Variants in EXOC4 observed in about 807,000 individuals in gnomAD.
EXOC4 encodes SEC8-like 1.
A neutral mutation model predicts 107.2 loss-of-function variants in EXOC4; 71 were observed. That is an observed-to-expected ratio of 0.66 (90% CI 0.55 to 0.81). The LOEUF (loss-of-function observed/expected upper bound fraction) is 0.81, where lower values mean the gene tolerates loss of function less well. Among genes scored for constraint, EXOC4 ranks in the 30% least tolerant of loss-of-function variants. The probability of loss-of-function intolerance (pLI) is 0.00; values close to 1 mark genes in which losing one functional copy is unlikely to be tolerated. For missense variants in EXOC4, 1,108 were observed against 1,189.6 expected (o/e 0.93, Z 1.01); for synonymous variants, 456 against 441.2 (o/e 1.03, Z -0.42).
chr7:133,563,328 G>A (rs1486635847), intron 9 of EXOC4, among the ~76,000 whole-genome samples: 2 of 152,062 alleles, frequency 1.3e-5, no homozygotes, highest in East Asian at 3.9e-4. Flanking sequence ...ATCAAAATTG[G>A]GCAAATGAGC....
chr7:133,666,603 G>C (rs112118230), intron 10 of EXOC4, among the ~76,000 whole-genome samples: 3 of 152,200 alleles, frequency 2.0e-5, no homozygotes, highest in African/African-American at 7.2e-5. Flanking sequence ...AACCATTACT[G>C]TCAGCTTTTT....
intron 9 of EXOC4, among the ~76,000 whole-genome samples, chr7:133,549,087 T>TCCACCTC (rs1800538619): frequency 6.6e-6 from 1 of 152,218 alleles, no homozygotes; most frequent in Non-Finnish European, 1.5e-5. Context: ...CACCGTAACC[T>TCCACCTC]CCACCTCCCA....
At chr7:133,905,584 G>C (rs763838483) in intron 12 of EXOC4, among the ~76,000 whole-genome samples, 1 of 152,110 alleles carries the variant, frequency 6.6e-6, no homozygotes, top group African/African-American at 2.4e-5. Flanking sequence ...GGAAATCGCA[G>C]TTTTCGGAAG....
chr7:133,927,451 C>G (rs893344911), intron 13 of EXOC4, among the ~76,000 whole-genome samples: 11 of 152,142 alleles, frequency 7.2e-5, no homozygotes, highest in Non-Finnish European at 1.6e-4. Flanking sequence ...GAAAGGTTCT[C>G]AACGTAATAT....
chr7:134,057,365 T>TAAA (rs34424652), intron 17 of EXOC4, among the ~76,000 whole-genome samples: 6 of 148,032 alleles, frequency 4.1e-5, no homozygotes, highest in Admixed American at 2.0e-4. Context: ...GTGAGAAGTG[T>TAAA]AAAAAAAAAA....
intron 17 of EXOC4, among the ~76,000 whole-genome samples, chr7:134,050,628 C>T (rs952632942): frequency 3.3e-5 from 5 of 152,208 alleles, no homozygotes; most frequent in Non-Finnish European, 7.3e-5. Context: ...ATGAAGTAGG[C>T]TCTAGATACT....
At chr7:133,812,646 A>G (rs1268863962) in intron 10 of EXOC4, among the ~76,000 whole-genome samples, 1 of 152,142 alleles carries the variant, frequency 6.6e-6, no homozygotes, top group Non-Finnish European at 1.5e-5. Flanking sequence ...TAGAAATTAT[A>G]TTCATTTATG....
intron 7 of EXOC4, among the ~76,000 whole-genome samples, chr7:133,435,836 T>TCTAGG (rs1797958412): frequency 6.6e-6 from 1 of 152,180 alleles, no homozygotes; most frequent in Non-Finnish European, 1.5e-5. Context: ...GGGTAAAGTT[T>TCTAGG]TTGCCGTTTA....
intron 5 of EXOC4, among the ~76,000 whole-genome samples, chr7:133,325,602 C>T (rs1795219627): frequency 6.6e-6 from 1 of 152,188 alleles, no homozygotes; most frequent in East Asian, 1.9e-4. Flanking sequence ...ATGGGCTTCC[C>T]TTTGTGGGTA....
intron 17 of EXOC4, among the ~76,000 whole-genome samples, chr7:134,020,686 T>C (rs1795009136): frequency 6.6e-6 from 1 of 152,184 alleles, no homozygotes; most frequent in Non-Finnish European, 1.5e-5. Flanking sequence ...TCAGCTCTCT[T>C]GGCTGAAGTT....
intron 11 of EXOC4, among the ~76,000 whole-genome samples, chr7:133,833,053 TATGCACACAC>T (rs764634452): frequency 1.3e-5 from 2 of 149,180 alleles, no homozygotes; most frequent in South Asian, 2.1e-4. Flanking sequence ...AACACACACA[TATGCACACAC>T]ATGCACACAC....
chr7:134,040,887 G>A (rs1483053218), intron 17 of EXOC4, among the ~76,000 whole-genome samples: 6 of 152,098 alleles, frequency 3.9e-5, no homozygotes, highest in African/African-American at 1.2e-4. Flanking sequence ...ATAGGTGGTC[G>A]GGCCTTCTCT....
intron 9 of EXOC4, among the ~76,000 whole-genome samples, chr7:133,586,124 G>T (rs1206761428): frequency 1.4e-5 from 2 of 141,454 alleles, no homozygotes; most frequent in African/African-American, 5.7e-5. Context: ...ACATATACAG[G>T]TTTGTTAGAT....
At chr7:134,008,002 T>C (rs1367278598) in intron 17 of EXOC4, 167 bp downstream of exon 17, 1 of 613,116 alleles carries the variant, frequency 1.6e-6, no homozygotes, top group Admixed American at 3.6e-5. Flanking sequence ...TTCCACAGAA[T>C]TCTATTGAAT....
intron 3 of EXOC4, among the ~76,000 whole-genome samples, chr7:133,298,257 A>G (rs1363745469): frequency 1.3e-5 from 2 of 152,134 alleles, no homozygotes; most frequent in African/African-American, 4.8e-5. Context: ...CACGTTAGTA[A>G]AGAGCTGTGT....
chr7:133,979,235 A>C (rs1793915006), intron 14 of EXOC4, among the ~76,000 whole-genome samples: 1 of 152,156 alleles, frequency 6.6e-6, no homozygotes, highest in Non-Finnish European at 1.5e-5. Flanking sequence ...AAAACTTCAT[A>C]GGTATCATAA....
intron 17 of EXOC4, among the ~76,000 whole-genome samples, chr7:134,055,883 A>G (rs184627187): frequency 1.4e-3 from 207 of 152,232 alleles, no homozygotes; most frequent in Admixed American, 2.4e-3. Context: ...ATACCTTTCT[A>G]TATCATATTA....
Position 134,005,045 on chromosome 7 carries a change from A to G in EXOC4, c.2482A>G (p.Met828Val), listed in dbSNP as rs766823344. 3.7e-5 allele frequency: 59 copies of G among 1,613,456 alleles called. No individual in the cohort carries two copies. In the South Asian group the frequency reaches 5.8e-4, roughly 16 times the overall value. The change falls in exon 16 of 18, where the codon ATG (methionine) becomes GTG (valine). Residue 828 changes from methionine to valine, a missense_variant. Coordinates refer to ENST00000253861, the MANE Select transcript of EXOC4 (RefSeq NM_021807.4). ...NKDISAIEEA[M>V]SASLQQHKFQ... Reference sequence around the variant, plus strand: ...AGATATCAGCGCCATTGAAGAGGCCATGAGCGCCAGCCTTCAGCAGCACAA... The same window carrying G: ...AGATATCAGCGCCATTGAAGAGGCCGTGAGCGCCAGCCTTCAGCAGCACAA...
At chr7:133,747,604 T>C (rs1795704455) in intron 10 of EXOC4, among the ~76,000 whole-genome samples, 1 of 152,198 alleles carries the variant, frequency 6.6e-6, no homozygotes, top group Admixed American at 6.6e-5. Flanking sequence ...AATTTGTGAA[T>C]TGATTTTGAA....
Sources: allele counts gnomAD v4.1 joint callset (sites outside exome capture counted in the v4.1 genomes callset), GRCh38; gene constraint gnomAD v4.1.1; transcripts MANE v1.5; gene names NCBI Gene and HGNC (gene_info 2026-07-23, HGNC 2026-07-21).